The following PPME1 variants were observed in gnomAD, a reference collection of about 807,000 sequenced individuals.
PPME1 encodes protein phosphatase methylesterase 1.
PPME1 carries 17 observed loss-of-function variants against 56.9 expected under a neutral mutation model. The ratio of observed to expected loss-of-function variants is 0.30; its 90% CI spans 0.20 to 0.45. PPME1 has a LOEUF of 0.45. PPME1 is among the 20% of genes least tolerant of loss of function. The probability of loss-of-function intolerance (pLI) is 1.00; values close to 1 mark genes in which losing one functional copy is unlikely to be tolerated. For missense variants in PPME1, 357 were observed against 483.2 expected (o/e 0.74, Z 2.45); for synonymous variants, 122 against 156.2 (o/e 0.78, Z 1.63).
intron 11 of PPME1, 167 bp from the exon 12 acceptor site, chr11:74,250,787 A>G: frequency 1.6e-6 from 1 of 607,120 alleles, no homozygotes; most frequent in Non-Finnish European, 3.0e-6. Context: ...GCAAGGTTAC[A>G]ATTACTTGTA....
intron 3 of PPME1, among the ~76,000 whole-genome samples, chr11:74,221,418 A>T (rs529619533): frequency 6.6e-6 from 1 of 152,154 alleles, no homozygotes; most frequent in Non-Finnish European, 1.5e-5. Flanking sequence ...ATCAGACTTG[A>T]TTTTCTAGGG....
intron 11 of PPME1, chr11:74,249,976 C>G (rs1037571245): frequency 2.6e-5 from 4 of 152,154 alleles, no homozygotes; most frequent in Admixed American, 2.6e-4. Flanking sequence ...GGTTACTTCA[C>G]TAATCATGGC....
intron 5 of PPME1, among the ~76,000 whole-genome samples, chr11:74,229,766 G>GT: frequency 6.6e-6 from 1 of 152,246 alleles, no homozygotes; most frequent in African/African-American, 2.4e-5. Context: ...GAGAGATTAA[G>GT]TAACTAACCC....
chr11:74,184,486 T>C (rs1288888947), intron 1 of PPME1, among the ~76,000 whole-genome samples: 2 of 152,224 alleles, frequency 1.3e-5, no homozygotes, highest in African/African-American at 4.8e-5. Flanking sequence ...TTTTCACTGA[T>C]TATTGGGAAT....
At chr11:74,216,977 A>G (rs1482064054) in intron 3 of PPME1, among the ~76,000 whole-genome samples, 1 of 152,214 alleles carries the variant, frequency 6.6e-6, no homozygotes, top group African/African-American at 2.4e-5. Flanking sequence ...AAGCTGTAAT[A>G]AAAGTCTCCC....
At chr11:74,250,780 A>G (rs546935339) in intron 11 of PPME1, 174 bp from the exon 12 acceptor site, 6 of 593,750 alleles carry the variant, frequency 1.0e-5, no homozygotes, top group African/African-American at 5.5e-5. Flanking sequence ...GATTGGCGCA[A>G]GGTTACAATT....
intron 1 of PPME1, among the ~76,000 whole-genome samples, chr11:74,177,587 T>C (rs1467109504): frequency 6.6e-6 from 1 of 152,238 alleles, no homozygotes; most frequent in Non-Finnish European, 1.5e-5. Context: ...TTTATTAATA[T>C]GTTTTGATGG....
chr11:74,244,243 T>A (rs1658444506), intron 9 of PPME1, among the ~76,000 whole-genome samples: 1 of 152,230 alleles, frequency 6.6e-6, no homozygotes. Context: ...GGTTTGCAGA[T>A]CCCTCTTTGA....
At chr11:74,248,757 C>G (rs1316664959) in intron 11 of PPME1, 1 of 152,210 alleles carries the variant, frequency 6.6e-6, no homozygotes, top group South Asian at 2.1e-4. Flanking sequence ...CCTAGGCACC[C>G]TTTCTGTGCA....
At chr11:74,233,654 A>T (rs545307095) in intron 7 of PPME1, among the ~76,000 whole-genome samples, 6 of 152,194 alleles carry the variant, frequency 3.9e-5, no homozygotes, top group East Asian at 1.9e-4. Context: ...CTCTACAAAA[A>T]ATATATATAT....
intron 1 of PPME1, among the ~76,000 whole-genome samples, chr11:74,176,260 C>G (rs1857397674): frequency 6.6e-6 from 1 of 152,148 alleles, no homozygotes; most frequent in African/African-American, 2.4e-5. Flanking sequence ...TATGTTTATT[C>G]ATATCTGATT....
At chr11:74,241,743 G>T (rs1487407729) in intron 9 of PPME1, among the ~76,000 whole-genome samples, 1 of 152,126 alleles carries the variant, frequency 6.6e-6, no homozygotes, top group Non-Finnish European at 1.5e-5. Flanking sequence ...AATGACTGCT[G>T]ATATTGAGTT....
chr11:74,204,561 G>A lies in PPME1; in HGVS notation c.288+116G>A. 6.1e-6 allele frequency: 5 copies of A among 821,876 alleles called. 1 individual carries two copies. The South Asian group carries it at 8.1e-5, about 13-fold the overall frequency. 50.9% of individuals were successfully genotyped at this position (821,876 alleles called of 1,614,324 possible). A position where few individuals can be genotyped will look rare whatever the true frequency, so the allele number is the denominator to read the frequency against. Reference sequence around the variant, plus strand: ...TTGGGAAGCAGGAATTGCTATTCCAGGCATACACACAGACTGGGTGGTATG... The same window carrying A: ...TTGGGAAGCAGGAATTGCTATTCCAAGCATACACACAGACTGGGTGGTATG... On this transcript the variant is annotated intron_variant, in intron 3 of 13. Coordinates refer to ENST00000328257, the MANE Select transcript of PPME1 (RefSeq NM_016147.3).
At chr11:74,214,612 C>T (rs1042437982) in intron 3 of PPME1, among the ~76,000 whole-genome samples, 22 of 151,208 alleles carry the variant, frequency 1.5e-4, no homozygotes, top group African/African-American at 5.4e-4. Context: ...AACTCCAGTA[C>T]ATCTGGAAGC....
Position 74,251,489 on chromosome 11 carries a change from C to T in PPME1, c.1075-159C>T. 3.5e-6 allele frequency: 5 copies of T among 1,443,718 alleles called. No homozygotes were observed. The South Asian group carries it at 6.0e-5, about 17-fold the overall frequency. The allele number at this position is 1,443,718 out of a possible 1,614,324, so 89.4% of individuals were successfully genotyped here. On this transcript the variant is annotated intron_variant, in intron 12 of 13. Coordinates refer to ENST00000328257, the MANE Select transcript of PPME1 (RefSeq NM_016147.3). ...GATAGTGGGGAGGAGTCTTCTAGCT[C>T]TGCTAGGGAGGGCCTAGGTCCTTTT...
At chr11:74,222,911 A>G (rs1858835104) in intron 4 of PPME1, among the ~76,000 whole-genome samples, 1 of 151,794 alleles carries the variant, frequency 6.6e-6, no homozygotes, top group Non-Finnish European at 1.5e-5. Context: ...AGCTAAGAAA[A>G]TGTCCTTTAA....
chr11:74,228,615 G>A (rs1005480626), intron 5 of PPME1, among the ~76,000 whole-genome samples: 26 of 152,146 alleles, frequency 1.7e-4, no homozygotes, highest in Non-Finnish European at 8.8e-5. Context: ...GTTTCAGTGA[G>A]GTAACAAGAA....
chr11:74,239,101 G>A (rs1006711418), intron 8 of PPME1, 32 bp from the exon 9 acceptor site: 2 of 1,598,262 alleles, frequency 1.3e-6, no homozygotes, highest in Non-Finnish European at 1.7e-6. Flanking sequence ...TTGGAAAGAG[G>A]TGTGTAATAG....
At chr11:74,180,498 T>C (rs2135593212) in intron 1 of PPME1, among the ~76,000 whole-genome samples, 1 of 152,338 alleles carries the variant, frequency 6.6e-6, no homozygotes, top group African/African-American at 2.4e-5. Context: ...CTAAAAGCGG[T>C]TATACTTCAT....
Sources: allele counts gnomAD v4.1 joint callset (sites outside exome capture counted in the v4.1 genomes callset), GRCh38; gene constraint gnomAD v4.1.1; transcripts MANE v1.5; gene names NCBI Gene and HGNC (gene_info 2026-07-23, HGNC 2026-07-21).